SMARCC1: variants seen among roughly 807,000 people sequenced by gnomAD.
The protein encoded by SMARCC1 is SWI/SNF related BAF chromatin remodeling complex subunit C1.
SMARCC1 carries 43 observed loss-of-function variants against 147.4 expected under a neutral mutation model. The ratio of observed to expected loss-of-function variants is 0.29; its 90% CI spans 0.23 to 0.38. The LOEUF is 0.38. Ranked by LOEUF, SMARCC1 falls within the 10% of genes least tolerant of loss-of-function variation. SMARCC1 has a pLI of 1.00. For missense variants in SMARCC1, 1,119 were observed against 1,381.1 expected, an observed-to-expected ratio of 0.81 and a Z score of 3.01; for synonymous variants, 495 against 484.4, an observed-to-expected ratio of 1.02 and a Z score of -0.29.
intron 11 of SMARCC1, among the ~76,000 whole-genome samples, chr3:47,697,783 G>A (rs372620717): frequency 5.3e-5 from 8 of 151,412 alleles, no homozygotes; most frequent in African/African-American, 1.5e-4. Context: ...CAAGGCGGGC[G>A]GATCATGAGG....
chr3:47,636,676 A>T (rs2106703915), intron 22 of SMARCC1, among the ~76,000 whole-genome samples: 1 of 152,056 alleles, frequency 6.6e-6, no homozygotes, highest in Non-Finnish European at 1.5e-5. Flanking sequence ...TCCCTTGAAC[A>T]CCCGGGAGGC....
rs765675964 is a variant in SMARCC1, at chr3:47,610,152, C to G, written c.2957G>C (p.Gly986Ala). The G allele has an allele frequency of 6.2e-7, 1 of 1,614,026 alleles. No homozygotes were observed. Among genetic ancestry groups the G allele is most frequent in the African/African-American group, 1.3e-5 (1 of 75,044 alleles). The change falls in exon 26 of 28, where the codon GGG (glycine) becomes GCG (alanine). Residue 986 changes from glycine (G) to alanine (A), a missense_variant. Gly to Ala is a moderately conservative substitution (Grantham distance 60, BLOSUM62 0). Around this residue, in one of 6 missense-constraint regions of SMARCC1, gnomAD observed 186 missense variants for 216.5 expected, o/e 0.86. Coordinates refer to ENST00000254480, the MANE Select transcript of SMARCC1 (RefSeq NM_003074.4). ...GPGLAPLGAA[G>A]HPGMMPHQQP... ...TTGATGAGGCATCATGCCAGGGTGC[C>G]CTGCTGCTCCAAGTGGGGCCAGGCC...
chr3:47,767,136 T>G (rs1327976054), intron 2 of SMARCC1, among the ~76,000 whole-genome samples: 1 of 114,228 alleles, frequency 8.8e-6, no homozygotes, highest in Non-Finnish European at 1.7e-5. Flanking sequence ...TGAGCCGAGA[T>G]CACACCACTG....
intron 26 of SMARCC1, among the ~76,000 whole-genome samples, chr3:47,592,856 G>A (rs767284256): frequency 5.8e-5 from 8 of 137,374 alleles, no homozygotes; most frequent in Admixed American, 4.8e-4. Context: ...GTCTAGCTCT[G>A]TCACCCAAGC....
chr3:47,649,022 A>C (rs1257922761), intron 21 of SMARCC1, among the ~76,000 whole-genome samples: 1 of 152,260 alleles, frequency 6.6e-6, no homozygotes, highest in Non-Finnish European at 1.5e-5. Flanking sequence ...CAGGAAAGTC[A>C]CGTAAACCCT....
intron 21 of SMARCC1, among the ~76,000 whole-genome samples, chr3:47,653,544 T>C (rs1290887319): frequency 2.6e-5 from 4 of 152,196 alleles, no homozygotes; most frequent in Non-Finnish European, 5.9e-5. Context: ...TGCTATGCAA[T>C]AAGGCAGTAT....
intron 24 of SMARCC1, among the ~76,000 whole-genome samples, chr3:47,628,926 CA>C (rs1385216300): frequency 1.3e-5 from 2 of 152,150 alleles, no homozygotes; most frequent in Non-Finnish European, 2.9e-5. Context: ...ACTGGGCCTA[CA>C]ACAAGTAGAA....
At chr3:47,755,643 G>A (rs1451491033) in intron 2 of SMARCC1, among the ~76,000 whole-genome samples, 1 of 151,728 alleles carries the variant, frequency 6.6e-6, no homozygotes, top group Non-Finnish European at 1.5e-5. Context: ...CGGATCATGA[G>A]GTCAGGAGTT....
At chr3:47,714,651 G>A (rs548613325) in intron 7 of SMARCC1, among the ~76,000 whole-genome samples, 161 bp from the exon 8 acceptor site, 3 of 151,982 alleles carry the variant, frequency 2.0e-5, no homozygotes, top group South Asian at 2.1e-4. Context: ...AAAATTAGCC[G>A]GGCATGGTGG....
chr3:47,752,516 T>C (rs1055916054), intron 2 of SMARCC1, among the ~76,000 whole-genome samples: 3 of 152,146 alleles, frequency 2.0e-5, no homozygotes, highest in Admixed American at 6.6e-5. Context: ...CCGGATGCAG[T>C]GGCTCGCACC....
chr3:47,770,624 A>G (rs536557641), intron 2 of SMARCC1, among the ~76,000 whole-genome samples: 34 of 152,010 alleles, frequency 2.2e-4, no homozygotes, highest in African/African-American at 5.5e-4. Flanking sequence ...CTTTGACTCC[A>G]AAAAAAAGAT....
chr3:47,689,245 A>C, intron 13 of SMARCC1, 142 bp downstream of exon 13: 1 of 647,648 alleles, frequency 1.5e-6, no homozygotes, highest in Non-Finnish European at 2.7e-6. Context: ...CTTAGGGGAA[A>C]AACTAAAAAC....
At chr3:47,725,384 T>G (rs1008726445) in intron 6 of SMARCC1, among the ~76,000 whole-genome samples, 2 of 152,184 alleles carry the variant, frequency 1.3e-5, no homozygotes, top group East Asian at 3.9e-4. Flanking sequence ...ATTTTGAAAT[T>G]AACAGTGATG....
At chr3:47,714,616 A>C (rs2034133578) in intron 7 of SMARCC1, 126 bp from the exon 8 acceptor site, 1 of 593,284 alleles carries the variant, frequency 1.7e-6, no homozygotes, top group Admixed American at 3.3e-5. Context: ...AACATGGTGA[A>C]ACTGCGTCTC....
intron 25 of SMARCC1, among the ~76,000 whole-genome samples, chr3:47,621,525 G>A (rs938832180): frequency 6.6e-6 from 1 of 152,070 alleles, no homozygotes; most frequent in Admixed American, 6.6e-5. Context: ...GATGCAGCTG[G>A]AGGCCATTAT....
At chr3:47,671,396 C>G (rs2033500502) in intron 18 of SMARCC1, among the ~76,000 whole-genome samples, 1 of 152,078 alleles carries the variant, frequency 6.6e-6, no homozygotes, top group African/African-American at 2.4e-5. Flanking sequence ...CTTGAAGAGA[C>G]TACTTCTTCC....
At chr3:47,770,051 C>A (rs957976063) in intron 2 of SMARCC1, among the ~76,000 whole-genome samples, 1 of 151,628 alleles carries the variant, frequency 6.6e-6, no homozygotes, top group Non-Finnish European at 1.5e-5. Context: ...CAGTGAAACC[C>A]CGTCTCTACT....
rs1576407597 is a variant in SMARCC1 at position 47,675,557 on chromosome 3, G to A, written c.1757C>T (p.Pro586Leu). 6.2e-7 allele frequency: 1 copy of A among 1,611,040 alleles called. No individual in the cohort carries two copies. Among genetic ancestry groups the A allele is most frequent in the Non-Finnish European group, 8.5e-7 (1 of 1,177,260 alleles). Residue 586 changes from proline to leucine, a missense_variant, in exon 18 of 28, where the codon CCT becomes CTT. Physicochemically the swap from Pro to Leu is moderately conservative, Grantham distance 98 (BLOSUM62 -3). Transcript: ENST00000254480. ...VPAAQQMLNFPEKNKEKPVDL... is the reference protein window; with the variant it reads ...VPAAQQMLNFLEKNKEKPVDL... ...AACTGGTTTTTCCTTGTTTTTCTCA[G>A]GAAAATTTAGCATCTGTTGAGCAGC...
intron 24 of SMARCC1, among the ~76,000 whole-genome samples, chr3:47,625,511 C>G (rs1290324532): frequency 1.3e-5 from 2 of 151,894 alleles, no homozygotes; most frequent in East Asian, 1.9e-4. Context: ...CTGGGATTAC[C>G]GGCATGAGCC....
Sources: gnomAD v4.1 joint callset for allele counts (sites outside exome capture counted in the v4.1 genomes callset) on GRCh38, gnomAD v4.1.1 for gene constraint, gnomAD v4.1.1 regional missense constraint, MANE v1.5 for transcripts, NCBI Gene and HGNC (gene_info 2026-07-23, HGNC 2026-07-21) for gene names.